The following PIEZO2 variants were observed in gnomAD, a reference collection of about 807,000 sequenced individuals.
PIEZO2 encodes piezo type mechanosensitive ion channel component 2.
PIEZO2 carries 172 observed loss-of-function variants against 337.3 expected under a neutral mutation model. The ratio of observed to expected loss-of-function variants is 0.51; its 90% CI spans 0.45 to 0.58. The LOEUF (loss-of-function observed/expected upper bound fraction) is 0.58, where lower values mean the gene tolerates loss of function less well. Ranked by LOEUF, PIEZO2 falls within the 20% of genes least tolerant of loss-of-function variation. PIEZO2 has a pLI of 0.00. For missense variants in PIEZO2, 3,028 were observed against 3,391.3 expected (o/e 0.89, Z 2.66); for synonymous variants, 1,251 against 1,228.5 (o/e 1.02, Z -0.38).
chr18:10,858,634 T>G (rs572428659), intron 5 of PIEZO2, among the ~76,000 whole-genome samples: 2 of 152,348 alleles, frequency 1.3e-5, no homozygotes, highest in Non-Finnish European at 1.5e-5. Context: ...CCTCTTACTA[T>G]GACCAAGTTC....
chr18:10,957,663 A>G (rs2033600121), intron 3 of PIEZO2, among the ~76,000 whole-genome samples: 1 of 152,188 alleles, frequency 6.6e-6, no homozygotes, highest in Non-Finnish European at 1.5e-5. Flanking sequence ...AAAATAGACA[A>G]ATGAGATTGC....
At position 10,726,097 on chromosome 18, in the gene PIEZO2, G is replaced by A. The variant is rs373511971; in HGVS notation, c.5029+5310C>T. 6.6e-6 allele frequency among the ~76,000 whole-genome samples: 1 copy of A among 152,114 alleles called. No homozygotes were observed. The highest frequency in any genetic ancestry group is 2.4e-5 in the African/African-American group (1 of 41,428). ...GGAGGGCTGGGGGCAATGTCAGTTC[G>A]GGAGAGTTCGTGCACGTGTGTGGGT... On this transcript the variant is annotated intron_variant, in intron 36 of 55. Transcript: ENST00000674853. The surrounding 1 kb of genome is among the most constrained non-coding windows in gnomAD (Gnocchi z 5.9).
chr18:11,030,517 G>A (rs2625367), intron 2 of PIEZO2, among the ~76,000 whole-genome samples: 2 of 152,032 alleles, frequency 1.3e-5, no homozygotes, highest in Non-Finnish European at 2.9e-5. Context: ...TAGTGGTTAC[G>A]GGAAGGAGTG....
intron 2 of PIEZO2, among the ~76,000 whole-genome samples, chr18:10,999,248 G>A (rs962264131): frequency 1.1e-4 from 16 of 151,044 alleles, no homozygotes; most frequent in African/African-American, 3.9e-4. Flanking sequence ...TCTGCGTAGA[G>A]TTTGAAGAGT....
chr18:10,735,599 G>C (rs1395459970), intron 34 of PIEZO2, among the ~76,000 whole-genome samples: 1 of 152,048 alleles, frequency 6.6e-6, no homozygotes, highest in African/African-American at 2.4e-5. Context: ...AAACTCTTTC[G>C]AATAAAAATA....
At chr18:11,040,091 G>A (rs2145802710) in intron 2 of PIEZO2, among the ~76,000 whole-genome samples, 1 of 132,006 alleles carries the variant, frequency 7.6e-6, no homozygotes, top group African/African-American at 2.8e-5. Context: ...TAGAGTTCTT[G>A]TTGGCTAAAT....
intron 2 of PIEZO2, among the ~76,000 whole-genome samples, chr18:11,017,482 C>CTT (rs35472040): frequency 0.016 from 2,282 of 141,458 alleles, 65 homozygotes; most frequent in African/African-American, 0.056. Flanking sequence ...TGCAGTTTTG[C>CTT]TTTTTTTTTT....
rs138145709 is a variant in PIEZO2, at chr18:10,844,156, C to T, written c.917+11197G>A. Reference sequence around the variant, plus strand: ...GGTGTGGGCTGGGCACAGTGGCTCACGCTTGTAATCCCAGCACTTTGGGAG... The same window carrying T: ...GGTGTGGGCTGGGCACAGTGGCTCATGCTTGTAATCCCAGCACTTTGGGAG... On this transcript the variant is annotated intron_variant, in intron 7 of 55. Transcript: ENST00000674853. 4.0e-4 allele frequency among the ~76,000 whole-genome samples: 61 copies of T among 152,272 alleles called. No homozygotes were observed. In the East Asian group the frequency reaches 0.011, roughly 27 times the overall value.
intron 3 of PIEZO2, among the ~76,000 whole-genome samples, chr18:10,972,009 G>A (rs1368707213): frequency 6.6e-6 from 1 of 151,818 alleles, no homozygotes; most frequent in Non-Finnish European, 1.5e-5. Context: ...GATAACAATG[G>A]CAGCTGGGTG....
intron 7 of PIEZO2, 31 bp from the exon 8 acceptor site, chr18:10,807,305 G>T: frequency 2.0e-6 from 3 of 1,523,460 alleles, no homozygotes; most frequent in Non-Finnish European, 2.6e-6. Context: ...ATGCTTAAAA[G>T]ATGCAATAAG....
intron 3 of PIEZO2, among the ~76,000 whole-genome samples, chr18:10,961,268 C>T (rs750507606): frequency 2.2e-4 from 30 of 137,642 alleles, no homozygotes; most frequent in Middle Eastern, 3.9e-3. Flanking sequence ...ATTGCAGTGA[C>T]CTGCATGAAT....
chr18:10,774,670 TCTC>T (rs2038724643), intron 18 of PIEZO2, among the ~76,000 whole-genome samples: 1 of 151,860 alleles, frequency 6.6e-6, no homozygotes, highest in African/African-American at 2.4e-5. Context: ...GTCCCATCCT[TCTC>T]CTACAGTTTT....
rs1384432084 is a variant in PIEZO2, at chr18:11,099,652, A to G, written c.65-33430T>C. ...TAGCTAATTTTTGTATTTTTAGTAGAGACAGTGTTTAACCATGTTGGCCAG... is the reference window on the plus strand; with the variant it reads ...TAGCTAATTTTTGTATTTTTAGTAGGGACAGTGTTTAACCATGTTGGCCAG... On this transcript the variant is annotated intron_variant, in intron 1 of 55. Transcript: ENST00000674853. The surrounding 1 kb of genome is among the most constrained non-coding windows in gnomAD (Gnocchi z 5.4). Among the ~76,000 whole-genome samples the G allele has an allele frequency of 2.6e-5, 4 of 152,160 alleles. No homozygotes were observed. The highest frequency in any genetic ancestry group is 7.2e-5 in the African/African-American group (3 of 41,434).
chr18:10,837,762 T>C lies in PIEZO2; in HGVS notation c.917+17591A>G, dbSNP rs2041063347. 6.6e-6 allele frequency among the ~76,000 whole-genome samples: 1 copy of C among 152,132 alleles called. No homozygotes were observed. Among genetic ancestry groups the C allele is most frequent in the Non-Finnish European group, 1.5e-5 (1 of 68,034 alleles). ...ATTTCCTCATTTTTTTTTGTTGTTG[T>C]TGTTGTTGAGATGAAGTCTCACTCT... On this transcript the variant is annotated intron_variant, in intron 7 of 55. Transcript: ENST00000674853. The surrounding 1 kb of genome is among the most constrained non-coding windows in gnomAD (Gnocchi z 4.4).
At chr18:10,793,370 G>T (rs1406395236) in intron 13 of PIEZO2, among the ~76,000 whole-genome samples, 1 of 152,166 alleles carries the variant, frequency 6.6e-6, no homozygotes, top group Admixed American at 6.5e-5. Context: ...GTTCCTGGGT[G>T]CATTAAAATA....
intron 1 of PIEZO2, among the ~76,000 whole-genome samples, chr18:11,113,750 T>C (rs1450543730): frequency 2.0e-5 from 3 of 152,322 alleles, no homozygotes; most frequent in Non-Finnish European, 4.4e-5. Context: ...GCACATTCTC[T>C]GTGACAACGC....
chr18:10,908,886 C>T (rs918034951), intron 4 of PIEZO2: 1 of 152,212 alleles, frequency 6.6e-6, no homozygotes, highest in African/African-American at 2.4e-5. Context: ...GGCTGACTGT[C>T]TGGGTAGCCT....
intron 2 of PIEZO2, among the ~76,000 whole-genome samples, chr18:11,015,447 G>A (rs983086257): frequency 8.5e-5 from 13 of 152,226 alleles, no homozygotes; most frequent in Admixed American, 5.2e-4. Flanking sequence ...CAATAAAGAT[G>A]GAAGTTAATG....
rs1242359524 is a variant in PIEZO2, at chr18:10,720,415, GTATGTATATATATATATATA to G, written c.5030-2176_5030-2157del. On this transcript the variant is annotated intron_variant, in intron 36 of 55. Transcript: ENST00000674853. ...TGTGTGTGTGTGTGTATGTGTATGT[GTATGTATATATATATATATA>G]TATATATATATATATATATATATAT... 4.3e-4 allele frequency among the ~76,000 whole-genome samples: 17 copies of G among 39,918 alleles called. 1 individual carries two copies. The highest frequency in any genetic ancestry group is 8.7e-4 in the Admixed American group (2 of 2,312). 26.2% of individuals were successfully genotyped at this position (39,918 alleles called of 152,430 possible). A position where few individuals can be genotyped will look rare whatever the true frequency, so the allele number is the denominator to read the frequency against.
Sources: gnomAD v4.1 joint callset for allele counts (sites outside exome capture counted in the v4.1 genomes callset) on GRCh38, gnomAD v4.1.1 for gene constraint, Gnocchi (gnomAD v3.1) non-coding constraint, MANE v1.5 for transcripts, NCBI Gene and HGNC (gene_info 2026-07-23, HGNC 2026-07-21) for gene names.